EFCAB8: variants seen among roughly 807,000 people sequenced by gnomAD.
EFCAB8 encodes EF-hand calcium binding domain 8.
A neutral mutation model predicts 116.3 loss-of-function variants in EFCAB8; 100 were observed. That is an observed-to-expected ratio of 0.86 (90% confidence interval 0.73 to 1.02). EFCAB8 has a LOEUF of 1.02. Ranked by LOEUF, EFCAB8 falls within the 50% of genes least tolerant of loss-of-function variation. EFCAB8 has a pLI of 0.00. For missense variants in EFCAB8, 1,320 were observed against 1,416.9 expected, an observed-to-expected ratio of 0.93 and a Z score of 1.10; for synonymous variants, 558 against 567.9, an observed-to-expected ratio of 0.98 and a Z score of 0.25.
At chr20:32,879,489 A>T (rs1600375893) in intron 5 of EFCAB8, among the ~76,000 whole-genome samples, 1 of 152,128 alleles carries the variant, frequency 6.6e-6, no homozygotes, top group South Asian at 2.1e-4. Context: ...ATTGGCAGGG[A>T]CCTCTCTAAG....
chr20:32,923,046 T>C (rs996672176), intron 20 of EFCAB8, among the ~76,000 whole-genome samples: 2 of 152,068 alleles, frequency 1.3e-5, no homozygotes, highest in Non-Finnish European at 2.9e-5. Flanking sequence ...TTAGCCAGGT[T>C]TGATAGTGTG....
At chr20:32,927,470 G>A (rs758800309) in intron 20 of EFCAB8, among the ~76,000 whole-genome samples, 4 of 151,930 alleles carry the variant, frequency 2.6e-5, no homozygotes, top group Non-Finnish European at 4.4e-5. Flanking sequence ...TCAGCCTCCC[G>A]AGTAGCTGGG....
chr20:32,881,872 AT>A (rs909933196), intron 5 of EFCAB8, among the ~76,000 whole-genome samples: 10 of 152,300 alleles, frequency 6.6e-5, no homozygotes, highest in Admixed American at 3.9e-4. Context: ...CCCTTAGGGA[AT>A]TCTGACAACG....
intron 3 of EFCAB8, among the ~76,000 whole-genome samples, chr20:32,870,136 G>A (rs1454045326): frequency 6.6e-6 from 1 of 152,206 alleles, no homozygotes; most frequent in East Asian, 1.9e-4. Context: ...GAAAGGATAA[G>A]AAATCTCCAG....
chr20:32,921,831 C>CTTTTTTTT lies in EFCAB8; in HGVS notation c.2412+1626_2412+1633dup, dbSNP rs11483441. On this transcript the variant is annotated intron_variant, in intron 20 of 26. Coordinates refer to ENST00000400522, the MANE Select transcript of EFCAB8 (RefSeq NM_001143967.2). ...CATCTTATTCTTTTGTTACCTTATT[C>CTTTTTTTT]TTTTTTTTTTTTTTTTTGAGACGGA... 2.2e-3 allele frequency among the ~76,000 whole-genome samples: 284 copies of CTTTTTTTT among 130,178 alleles called. 2 individuals carry two copies. Among genetic ancestry groups the CTTTTTTTT allele is most frequent in the African/African-American group, 6.5e-3 (226 of 34,670 alleles). 85.4% of individuals were successfully genotyped at this position (130,178 alleles called of 152,430 possible).
chr20:32,898,807 T>C (rs1342813727), intron 11 of EFCAB8, among the ~76,000 whole-genome samples, 184 bp downstream of exon 11: 1 of 152,178 alleles, frequency 6.6e-6, no homozygotes, highest in Admixed American at 6.5e-5. Flanking sequence ...CCAATCTATA[T>C]GCAAAACTCA....
chr20:32,928,626 G>A (rs532385483), intron 20 of EFCAB8, among the ~76,000 whole-genome samples: 12 of 152,196 alleles, frequency 7.9e-5, no homozygotes, highest in South Asian at 2.1e-4. Flanking sequence ...GAGCTTTAGC[G>A]TTTTCTACAT....
chr20:32,919,549 T>G (rs910402087), intron 19 of EFCAB8, among the ~76,000 whole-genome samples: 4 of 152,154 alleles, frequency 2.6e-5, no homozygotes, highest in African/African-American at 9.7e-5. Flanking sequence ...CAGGCTAGAG[T>G]GCAGTGGCGT....
chr20:32,892,118 G>A, intron 7 of EFCAB8, 95 bp from the exon 8 acceptor site: 1 of 1,132,924 alleles, frequency 8.8e-7, no homozygotes, highest in Non-Finnish European at 1.3e-6. Context: ...GAAGGGGCCA[G>A]AGATTCCTTG....
At position 32,906,857 on chromosome 20, in the gene EFCAB8, G is replaced by A. The variant is rs369917049; in HGVS notation, c.1171G>A (p.Asp391Asn). Reference sequence around the variant, plus strand: ...CTTGACCACAGTGACTGGTGGCTACGATGCCTTCATCCGCCTGTGGAACCC... The same window carrying A: ...CTTGACCACAGTGACTGGTGGCTACAATGCCTTCATCCGCCTGTGGAACCC... Reference protein sequence around the residue: ...DRNFLVTGGYDAFIRLWNPFV... With the variant: ...DRNFLVTGGYNAFIRLWNPFV... Residue 391 changes from aspartate to asparagine, a missense_variant, in exon 13 of 27, where the codon GAT (aspartate) becomes AAT (asparagine). Transcript: ENST00000400522. 1.5e-4 allele frequency: 231 copies of A among 1,501,342 alleles called. No homozygotes were observed. Among genetic ancestry groups the A allele is most frequent in the Middle Eastern group, 1.7e-4 (1 of 5,858 alleles). 93.0% of individuals were successfully genotyped at this position (1,501,342 alleles called of 1,614,324 possible). A position where few individuals can be genotyped will look rare whatever the true frequency, so the allele number is the denominator to read the frequency against.
intron 23 of EFCAB8, among the ~76,000 whole-genome samples, chr20:32,950,802 C>T (rs948843789): frequency 3.9e-5 from 6 of 152,126 alleles, no homozygotes; most frequent in African/African-American, 1.4e-4. Context: ...TCCCTCTGTG[C>T]CCAAGCTGTC....
intron 3 of EFCAB8, among the ~76,000 whole-genome samples, chr20:32,873,810 C>A (rs35995511): frequency 0.46 from 63,080 of 138,500 alleles, 15,276 homozygotes; most frequent in Middle Eastern, 0.58. Context: ...AGACTCTGTC[C>A]AAAAAAAAAA....
chr20:32,875,855 G>A, intron 3 of EFCAB8, 71 bp from the exon 4 acceptor site: 2 of 1,390,382 alleles, frequency 1.4e-6, no homozygotes, highest in Non-Finnish European at 2.0e-6. Flanking sequence ...AGACACTTGA[G>A]AACTCCGTGG....
intron 21 of EFCAB8, 76 bp downstream of exon 21, chr20:32,930,692 C>G: frequency 1.5e-6 from 2 of 1,370,754 alleles, no homozygotes; most frequent in Non-Finnish European, 1.0e-6. Flanking sequence ...TCACATGGCC[C>G]TTGCCTAGTT....
At chr20:32,866,436 G>T (rs1361822713) in intron 2 of EFCAB8, among the ~76,000 whole-genome samples, 1 of 151,920 alleles carries the variant, frequency 6.6e-6, no homozygotes, top group East Asian at 1.9e-4. Flanking sequence ...CTGAGCTTTG[G>T]TGACCTGACA....
chr20:32,929,603 A>G (rs1378736904), intron 20 of EFCAB8, among the ~76,000 whole-genome samples: 3 of 150,426 alleles, frequency 2.0e-5, no homozygotes, highest in Non-Finnish European at 4.4e-5. Flanking sequence ...CGGCCTCCCA[A>G]AGTGCTAGGA....
chr20:32,893,218 G>A lies in EFCAB8; in HGVS notation c.803G>A (p.Gly268Asp), dbSNP rs1158826092. The change falls in exon 9 of 27, where the codon GGC (glycine) becomes GAC (aspartate). Residue 268 changes from glycine (G) to aspartate (D), a missense_variant. Transcript: ENST00000400522. ...GTGTTCTGCTATGGAGACGCCAAAG[G>A]CAACGTCATTGTCTTCACCTCCGAA... is the stretch of plus-strand genomic sequence containing the variant. ...RGVFCYGDAK[G>D]NVIVFTSENM... is the part of the protein sequence containing the mutation. 1.9e-6 allele frequency: 3 copies of A among 1,552,032 alleles called. No individual in the cohort carries two copies. In the South Asian group the frequency reaches 3.6e-5, roughly 18 times the overall value.
chr20:32,932,526 C>T (rs1344718683), intron 22 of EFCAB8, among the ~76,000 whole-genome samples: 2 of 152,166 alleles, frequency 1.3e-5, no homozygotes, highest in Non-Finnish European at 2.9e-5. Context: ...AGTTCATGCT[C>T]CCTGAAGTAA....
At chr20:32,950,110 T>C (rs1252533025) in intron 23 of EFCAB8, among the ~76,000 whole-genome samples, 1 of 152,228 alleles carries the variant, frequency 6.6e-6, no homozygotes, top group East Asian at 1.9e-4. Flanking sequence ...AGAAAACCTT[T>C]GTGACCTTGG....
Sources: allele counts gnomAD v4.1 joint callset (sites outside exome capture counted in the v4.1 genomes callset), GRCh38; gene constraint gnomAD v4.1.1; transcripts MANE v1.5; gene names NCBI Gene and HGNC (gene_info 2026-07-23, HGNC 2026-07-21).